FKBP15: variants seen among roughly 807,000 people sequenced by gnomAD.
The protein encoded by FKBP15 is FK506-binding protein 15.
FKBP15 carries 106 observed loss-of-function variants against 158.1 expected under a neutral mutation model. That is an observed-to-expected ratio of 0.67 (90% CI 0.57 to 0.79). The LOEUF is 0.79. FKBP15 is among the 30% of genes least tolerant of loss of function. The pLI is 0.00. For missense variants in FKBP15, 1,287 were observed against 1,479.1 expected, an observed-to-expected ratio of 0.87 and a Z score of 2.13; for synonymous variants, 547 against 548.6, an observed-to-expected ratio of 1.00 and a Z score of 0.04.
intron 1 of FKBP15, among the ~76,000 whole-genome samples, chr9:113,216,099 A>G (rs1341129945): frequency 6.7e-6 from 1 of 149,680 alleles, no homozygotes; most frequent in Non-Finnish European, 1.5e-5. Context: ...AAAAAAAAAA[A>G]AAATCTGCAA....
At chr9:113,207,751 T>C (rs1222209576) in intron 2 of FKBP15, among the ~76,000 whole-genome samples, 3 of 152,128 alleles carry the variant, frequency 2.0e-5, no homozygotes, top group Non-Finnish European at 2.9e-5. Flanking sequence ...AGCCCTATGA[T>C]CTAGTCTGGG....
intron 4 of FKBP15, among the ~76,000 whole-genome samples, chr9:113,204,081 C>T (rs892242688): frequency 2.1e-4 from 30 of 142,152 alleles, no homozygotes; most frequent in South Asian, 2.2e-4. Context: ...ACATTCTCCA[C>T]GTCATTTTTT....
At chr9:113,168,985 C>T (rs547294744) in intron 26 of FKBP15, among the ~76,000 whole-genome samples, 2 of 152,026 alleles carry the variant, frequency 1.3e-5, no homozygotes, top group East Asian at 1.9e-4. Flanking sequence ...CACCACACTA[C>T]CACAGTGCCC....
chr9:113,169,749 A>C lies in FKBP15; in HGVS notation c.2960T>G (p.Val987Gly), dbSNP rs1564148695. The C allele has an allele frequency of 6.2e-7, 1 of 1,611,058 alleles. No individual in the cohort carries two copies. The highest frequency in any genetic ancestry group is 1.1e-5 in the South Asian group (1 of 90,304). ...PESPMVPSEQVVEEAVPLPPQ... is the reference protein window; with the variant it reads ...PESPMVPSEQGVEEAVPLPPQ... ...AGGCAACGGGACAGCTTCCTCGACC[A>C]CCTGCTCTGAGGGCACCATGGGGGA... is the stretch of plus-strand genomic sequence containing the variant. Residue 987 changes from valine (V) to glycine (G), a missense_variant, in exon 26 of 28, where the codon GTG (valine) becomes GGG (glycine). Physicochemically the swap from Val to Gly is moderately radical, Grantham distance 109. Transcript: ENST00000238256.
intron 11 of FKBP15, among the ~76,000 whole-genome samples, chr9:113,191,286 C>T (rs1174363225): frequency 6.6e-6 from 1 of 151,932 alleles, no homozygotes; most frequent in African/African-American, 2.4e-5. Context: ...CGTCTTCCCA[C>T]CCCAGCCTCC....
rs2118868584 is a variant in FKBP15 at position 113,173,461 on chromosome 9, G to A, written c.2524C>T (p.Gln842Ter). Residue 842 changes from glutamine to a stop codon, truncating the protein, a stop_gained, in exon 23 of 28, where the codon CAG becomes TAG. Transcript: ENST00000238256. LOFTEE classifies it high-confidence loss of function. ...DAYQQKLVQL[Q>*]EKCLALQAQI... The stretch of plus-strand genomic sequence containing the variant: ...TCAAGAAAAATATGTACCTTTTCCT[G>A]AAGTTGTACCAGCTTCTGCTGGTAG... 1.2e-6 allele frequency: 2 copies of A among 1,612,992 alleles called. No individual in the cohort carries two copies. The highest frequency in any genetic ancestry group is 2.2e-5 in the East Asian group (1 of 44,852).
intron 27 of FKBP15, among the ~76,000 whole-genome samples, chr9:113,168,139 C>A (rs1273684854): frequency 6.6e-6 from 1 of 152,164 alleles, no homozygotes; most frequent in South Asian, 2.1e-4. Context: ...TAAATAATAT[C>A]CTAGCAGATT....
At chr9:113,215,174 C>T (rs1831093931) in intron 1 of FKBP15, among the ~76,000 whole-genome samples, 1 of 152,184 alleles carries the variant, frequency 6.6e-6, no homozygotes, top group Admixed American at 6.5e-5. Context: ...ATATGGCTAA[C>T]TGGCACAAGA....
At chr9:113,181,626 G>A (rs1297082282) in intron 19 of FKBP15, among the ~76,000 whole-genome samples, 2 of 152,198 alleles carry the variant, frequency 1.3e-5, no homozygotes, top group African/African-American at 2.4e-5. Context: ...GTCGGAGGCA[G>A]CCAGTGTTTG....
intron 1 of FKBP15, among the ~76,000 whole-genome samples, chr9:113,218,523 A>C (rs1587981517): frequency 6.6e-6 from 1 of 152,026 alleles, no homozygotes; most frequent in Non-Finnish European, 1.5e-5. Flanking sequence ...TATGGCATTA[A>C]GTAAGCACAG....
intron 1 of FKBP15, among the ~76,000 whole-genome samples, chr9:113,217,763 C>A (rs570606196): frequency 1.1e-4 from 17 of 152,204 alleles, no homozygotes; most frequent in African/African-American, 4.1e-4. Context: ...ATTGCTTGAG[C>A]CCAGGAGTTC....
intron 2 of FKBP15, 31 bp from the exon 3 acceptor site, chr9:113,207,327 T>C (rs1830908607): frequency 6.3e-7 from 1 of 1,586,836 alleles, no homozygotes; most frequent in Non-Finnish European, 8.6e-7. Flanking sequence ...AAAGTTGTCA[T>C]TCACTTCTTG....
At chr9:113,213,410 C>A (rs1292872309) in intron 1 of FKBP15, among the ~76,000 whole-genome samples, 15 of 136,164 alleles carry the variant, frequency 1.1e-4, no homozygotes, top group Admixed American at 6.0e-4. Flanking sequence ...ACTCCGTCTC[C>A]AAAAAAAAAA....
chr9:113,216,082 T>TTAAA (rs1831125687), intron 1 of FKBP15, among the ~76,000 whole-genome samples: 1 of 39,788 alleles, frequency 2.5e-5, no homozygotes, highest in Non-Finnish European at 4.5e-5. Context: ...CTTTATTTTG[T>TTAAA]GAAAAAAAAA....
intron 4 of FKBP15, among the ~76,000 whole-genome samples, chr9:113,204,638 T>G (rs2118934258): frequency 6.6e-6 from 1 of 152,314 alleles, no homozygotes; most frequent in African/African-American, 2.4e-5. Flanking sequence ...CACATCAATC[T>G]TTGCCCTGGT....
chr9:113,216,658 A>G (rs1034664878), intron 1 of FKBP15, among the ~76,000 whole-genome samples: 6 of 152,244 alleles, frequency 3.9e-5, no homozygotes, highest in Admixed American at 2.0e-4. Context: ...CTTAGCACCT[A>G]GTTAAGATAA....
chr9:113,187,521 G>A (rs1396765849), intron 14 of FKBP15: 3 of 402,914 alleles, frequency 7.4e-6, no homozygotes, highest in Non-Finnish European at 1.4e-5. Context: ...CTGGATATGT[G>A]TGAAAAGAAA....
At chr9:113,189,868 T>A (rs1225203033) in intron 12 of FKBP15, among the ~76,000 whole-genome samples, 4 of 152,188 alleles carry the variant, frequency 2.6e-5, no homozygotes, top group African/African-American at 7.2e-5. Context: ...AAAATTTAGA[T>A]CTAATTATAA....
Position 113,202,580 on chromosome 9 carries a change from CA to C in FKBP15, c.448del (p.Trp150GlyfsTer45). 1.9e-6 allele frequency: 3 copies of C among 1,584,360 alleles called. No homozygotes were observed. Among genetic ancestry groups the C allele is most frequent in the Non-Finnish European group, 2.6e-6 (3 of 1,164,170 alleles). Reference sequence around the variant, plus strand: ...CTTTTCCGACTCAAACATGATGGACCAGTTCTGTCTCTGGTCATCATAAAAG... The same window carrying C: ...CTTTTCCGACTCAAACATGATGGACCGTTCTGTCTCTGGTCATCATAAAAG... ...STFYDDQRQN[W>X]SIMFESEKAA... On this transcript the variant is annotated frameshift_variant, in exon 6 of 28. Transcript: ENST00000238256. LOFTEE classifies it high-confidence loss of function.
Sources: gnomAD v4.1 joint callset for allele counts (sites outside exome capture counted in the v4.1 genomes callset) on GRCh38, gnomAD v4.1.1 for gene constraint, MANE v1.5 for transcripts, NCBI Gene and HGNC (gene_info 2026-07-23, HGNC 2026-07-21) for gene names.